The following ENPEP variants were observed in gnomAD, a reference collection of about 807,000 sequenced individuals.
ENPEP encodes the protein glutamyl aminopeptidase.
A neutral mutation model predicts 114.5 loss-of-function variants in ENPEP; 103 were observed. The ratio of observed to expected loss-of-function variants is 0.90; its 90% confidence interval spans 0.77 to 1.06. The LOEUF (loss-of-function observed/expected upper bound fraction) is 1.06, where lower values mean the gene tolerates loss of function less well. Among genes scored for constraint, ENPEP ranks in the 50% least tolerant of loss-of-function variants. ENPEP has a pLI of 0.00. For synonymous variants in ENPEP, 420 were observed against 422.0 expected, an observed-to-expected ratio of 1.00 and a Z score of 0.06; for missense variants, 1,196 against 1,161.3, an observed-to-expected ratio of 1.03 and a Z score of -0.43.
intron 10 of ENPEP, among the ~76,000 whole-genome samples, chr4:110,524,245 G>A (rs1210512315): frequency 3.3e-5 from 5 of 152,064 alleles, no homozygotes; most frequent in African/African-American, 1.2e-4. Context: ...CACTTAATAG[G>A]GGATGCTTCC....
intron 10 of ENPEP, among the ~76,000 whole-genome samples, chr4:110,521,701 G>T (rs1335560797): frequency 6.6e-6 from 1 of 151,938 alleles, no homozygotes; most frequent in Non-Finnish European, 1.5e-5. Context: ...GACAAATTGA[G>T]AACACAAAAG....
intron 1 of ENPEP, among the ~76,000 whole-genome samples, chr4:110,478,199 C>T (rs1055331556): frequency 1.3e-5 from 2 of 152,202 alleles, no homozygotes; most frequent in African/African-American, 2.4e-5. Flanking sequence ...GTTTGTCAGA[C>T]AGACCCACGG....
chr4:110,519,949 T>A (rs553134730), intron 8 of ENPEP, 59 bp from the exon 9 acceptor site: 4 of 1,506,640 alleles, frequency 2.7e-6, no homozygotes, highest in African/African-American at 1.4e-5. Context: ...GTTCATCTTG[T>A]GAAAGTATGA....
chr4:110,525,130 C>G (rs1726145634), intron 10 of ENPEP, among the ~76,000 whole-genome samples: 1 of 152,218 alleles, frequency 6.6e-6, no homozygotes, highest in South Asian at 2.1e-4. Flanking sequence ...CAAAACTTAT[C>G]ACACCTGCAT....
intron 1 of ENPEP, among the ~76,000 whole-genome samples, chr4:110,486,547 A>G (rs1381387275): frequency 1.3e-5 from 2 of 152,014 alleles, no homozygotes; most frequent in African/African-American, 4.8e-5. Flanking sequence ...GCTTTTTCTC[A>G]TTATTCAGAT....
intron 18 of ENPEP, among the ~76,000 whole-genome samples, chr4:110,556,886 CT>C (rs1386106198): frequency 6.6e-6 from 1 of 152,188 alleles, no homozygotes; most frequent in Non-Finnish European, 1.5e-5. Context: ...GGCATTATGA[CT>C]GGCATTGGGG....
At chr4:110,543,867 T>C (rs916761324) in intron 13 of ENPEP, among the ~76,000 whole-genome samples, 4 of 152,082 alleles carry the variant, frequency 2.6e-5, no homozygotes, top group African/African-American at 9.7e-5. Context: ...TATGGGACCC[T>C]ATATTTCCTC....
At chr4:110,527,003 A>G (rs778917885) in intron 10 of ENPEP, among the ~76,000 whole-genome samples, 1 of 152,160 alleles carries the variant, frequency 6.6e-6, no homozygotes, top group Non-Finnish European at 1.5e-5. Context: ...ATTTATTCAG[A>G]AGAGAAAGAT....
chr4:110,489,397 A>C (rs1321868446), intron 2 of ENPEP, among the ~76,000 whole-genome samples: 1 of 151,898 alleles, frequency 6.6e-6, no homozygotes, highest in Non-Finnish European at 1.5e-5. Context: ...CATCAACACC[A>C]AGGCCTGTCA....
intron 18 of ENPEP, among the ~76,000 whole-genome samples, chr4:110,558,296 A>T (rs1404762660): frequency 5.0e-5 from 7 of 139,584 alleles, no homozygotes; most frequent in South Asian, 4.6e-4. Flanking sequence ...ATATATATAA[A>T]TTTTTTTTTG....
intron 2 of ENPEP, 101 bp from the exon 3 acceptor site, chr4:110,490,932 C>T (rs146303225): frequency 2.4e-6 from 3 of 1,269,770 alleles, no homozygotes; most frequent in African/African-American, 3.1e-5. Flanking sequence ...CAAAGGACTT[C>T]TGGCTAGAAA....
At chr4:110,513,789 A>G (rs1320812944) in intron 7 of ENPEP, among the ~76,000 whole-genome samples, 2 of 152,154 alleles carry the variant, frequency 1.3e-5, no homozygotes, top group Non-Finnish European at 2.9e-5. Flanking sequence ...TTTGTATATA[A>G]TTATTTTCAT....
chr4:110,494,623 T>C (rs1724860604), intron 3 of ENPEP, among the ~76,000 whole-genome samples: 1 of 152,198 alleles, frequency 6.6e-6, no homozygotes, highest in African/African-American at 2.4e-5. Context: ...ATAGTTTAGT[T>C]GGAGAGAGTA....
chr4:110,520,082 G>A lies in ENPEP; in HGVS notation c.1575+9G>A. 2 of 1,613,492 alleles carry A rather than the reference G, an allele frequency of 1.2e-6. No individual in the cohort carries two copies. The highest frequency in any genetic ancestry group is 1.7e-6 in the Non-Finnish European group (2 of 1,179,504). On this transcript the variant is annotated intron_variant, in intron 9 of 19. Coordinates refer to ENST00000265162, the MANE Select transcript of ENPEP (RefSeq NM_001977.4). ...GGGCAGCACTGGAAGAGGTAAGGAA[G>A]AGTATATGTCCCCAAATATTTCTTT...
chr4:110,480,962 T>G (rs1724292483), intron 1 of ENPEP, among the ~76,000 whole-genome samples: 1 of 152,186 alleles, frequency 6.6e-6, no homozygotes, highest in Admixed American at 6.5e-5. Flanking sequence ...TCTCACCGTG[T>G]TACGTAGGAT....
At chr4:110,540,363 C>T (rs1170360312) in intron 11 of ENPEP, among the ~76,000 whole-genome samples, 1 of 151,844 alleles carries the variant, frequency 6.6e-6, no homozygotes, top group Non-Finnish European at 1.5e-5. Context: ...CTTCTTTATA[C>T]TTTTTTGCAT....
At chr4:110,542,504 A>G (rs1444907319) in intron 11 of ENPEP, among the ~76,000 whole-genome samples, 1 of 152,114 alleles carries the variant, frequency 6.6e-6, no homozygotes, top group Non-Finnish European at 1.5e-5. Flanking sequence ...AGTAAAAACT[A>G]TCCATCATAA....
At chr4:110,550,954 C>G (rs1256908684) in intron 17 of ENPEP, among the ~76,000 whole-genome samples, 2 of 151,954 alleles carry the variant, frequency 1.3e-5, no homozygotes, top group African/African-American at 4.8e-5. Context: ...GACAGTTCAT[C>G]AAGAACTCGA....
intron 1 of ENPEP, among the ~76,000 whole-genome samples, chr4:110,484,763 T>C (rs1265902141): frequency 1.9e-5 from 2 of 107,406 alleles, no homozygotes; most frequent in Admixed American, 8.5e-5. Context: ...TTTATATATA[T>C]ATTATATTAT....
Sources: allele counts gnomAD v4.1 joint callset (sites outside exome capture counted in the v4.1 genomes callset), GRCh38; gene constraint gnomAD v4.1.1; transcripts MANE v1.5; gene names NCBI Gene and HGNC (gene_info 2026-07-23, HGNC 2026-07-21).